The following USH2A variants were observed in gnomAD, a reference collection of about 807,000 sequenced individuals.
USH2A encodes the protein usherin, also known as Usher syndrome 2A (autosomal recessive, mild).
USH2A carries 443 observed loss-of-function variants against 538.9 expected under a neutral mutation model. The ratio of observed to expected loss-of-function variants is 0.82; its 90% CI spans 0.76 to 0.89. USH2A has a LOEUF of 0.89. Ranked by LOEUF, USH2A falls within the 40% of genes least tolerant of loss-of-function variation. The pLI is 0.00. For missense variants in USH2A, 6,633 were observed against 6,324.8 expected (o/e 1.05, Z -1.65); for synonymous variants, 2,413 against 2,273.5 (o/e 1.06, Z -1.75).
At chr1:216,189,298 T>C (rs1013325902) in intron 20 of USH2A, among the ~76,000 whole-genome samples, 2 of 151,858 alleles carry the variant, frequency 1.3e-5, no homozygotes, top group Non-Finnish European at 2.9e-5. Context: ...ATTGGACCTA[T>C]TAATAATAGG....
chr1:216,258,251 G>A (rs6703090), intron 11 of USH2A, among the ~76,000 whole-genome samples: 4,278 of 152,094 alleles, frequency 0.028, 210 homozygotes, highest in African/African-American at 0.099. Context: ...TATTGAAGTA[G>A]TTATCAGCCT....
chr1:215,880,794 T>G (rs1029371176), intron 41 of USH2A, among the ~76,000 whole-genome samples: 4 of 152,226 alleles, frequency 2.6e-5, no homozygotes, highest in Admixed American at 6.5e-5. Flanking sequence ...AGGTCAGAGC[T>G]TGGCAACACT....
intron 3 of USH2A, among the ~76,000 whole-genome samples, chr1:216,378,009 T>C (rs1193327104): frequency 6.6e-6 from 1 of 151,868 alleles, no homozygotes; most frequent in Non-Finnish European, 1.5e-5. Flanking sequence ...TTCGGATGGT[T>C]CTGCCTTCAC....
At chr1:215,789,058 G>T (rs550777744) in intron 51 of USH2A, among the ~76,000 whole-genome samples, 6 of 152,186 alleles carry the variant, frequency 3.9e-5, no homozygotes, top group Non-Finnish European at 5.9e-5. Context: ...ATCCATTCCA[G>T]ACTGGAACAG....
intron 61 of USH2A, among the ~76,000 whole-genome samples, chr1:215,699,316 C>T (rs747791405): frequency 2.6e-5 from 4 of 151,906 alleles, no homozygotes; most frequent in African/African-American, 9.7e-5. Context: ...TTTTTTGGTT[C>T]CATATGAAAT....
At chr1:215,852,355 G>GC (rs1664040474) in intron 44 of USH2A, among the ~76,000 whole-genome samples, 1 of 151,992 alleles carries the variant, frequency 6.6e-6, no homozygotes, top group African/African-American at 2.4e-5. Context: ...GAAAAGACCC[G>GC]CCCCCATGAT....
chr1:215,871,249 A>G (rs1316725863), intron 43 of USH2A, among the ~76,000 whole-genome samples: 3 of 152,176 alleles, frequency 2.0e-5, no homozygotes, highest in African/African-American at 7.2e-5. Context: ...AAAAAATAAT[A>G]TGTGTTAAAA....
intron 59 of USH2A, 124 bp downstream of exon 59, chr1:215,743,053 C>A: frequency 8.2e-7 from 1 of 1,224,028 alleles, no homozygotes; most frequent in Non-Finnish European, 1.2e-6. Context: ...AAACAGTCCA[C>A]TACAAATAAG....
chr1:215,977,968 A>T (rs1319252805), intron 35 of USH2A, among the ~76,000 whole-genome samples: 1 of 152,128 alleles, frequency 6.6e-6, no homozygotes, highest in African/African-American at 2.4e-5. Flanking sequence ...TCTACAAAAA[A>T]TGCAAAAAGT....
chr1:215,813,602 C>A, intron 49 of USH2A, 134 bp downstream of exon 49: 1 of 991,986 alleles, frequency 1.0e-6, no homozygotes. Flanking sequence ...ATATTTAGAG[C>A]AGGCCATTGG....
chr1:215,696,742 G>A (rs1196116723), intron 61 of USH2A, among the ~76,000 whole-genome samples: 1 of 152,060 alleles, frequency 6.6e-6, no homozygotes, highest in African/African-American at 2.4e-5. Flanking sequence ...GGTGGCTCAC[G>A]CCTCTAACCA....
intron 37 of USH2A, among the ~76,000 whole-genome samples, chr1:215,943,110 C>G (rs1666676335): frequency 6.6e-6 from 1 of 152,088 alleles, no homozygotes; most frequent in Admixed American, 6.6e-5. Flanking sequence ...AAGCTCAGAA[C>G]CAGTGCAAAA....
chr1:216,129,470 CAAATA>C (rs767760676), intron 21 of USH2A, among the ~76,000 whole-genome samples: 8 of 150,796 alleles, frequency 5.3e-5, no homozygotes, highest in Non-Finnish European at 1.0e-4. Context: ...GTAATCGCCA[CAAATA>C]AAATAAAATA....
At chr1:215,644,148 C>T (rs572497208) in intron 67 of USH2A, among the ~76,000 whole-genome samples, 47 of 152,196 alleles carry the variant, frequency 3.1e-4, no homozygotes, top group Non-Finnish European at 5.9e-4. Context: ...GTGTTAGGTG[C>T]ACTCGCTTAT....
At chr1:216,158,541 GTATT>G (rs1324558386) in intron 21 of USH2A, among the ~76,000 whole-genome samples, 4 of 152,084 alleles carry the variant, frequency 2.6e-5, no homozygotes, top group South Asian at 2.1e-4. Context: ...GCATATATAT[GTATT>G]TATTTGGGGT....
At chr1:215,978,227 TAAG>T (rs1667667413) in intron 35 of USH2A, among the ~76,000 whole-genome samples, 1 of 152,150 alleles carries the variant, frequency 6.6e-6, no homozygotes, top group Non-Finnish European at 1.5e-5. Flanking sequence ...CTCCAAAAAA[TAAG>T]AATTGTTGTT....
rs193061568 is a variant in USH2A at position 215,669,225 on chromosome 1, G to A, written c.14133+1747C>T. Among the ~76,000 whole-genome samples, 13 of 152,182 alleles carry A rather than the reference G, an allele frequency of 8.5e-5. No individual in the cohort carries two copies. In the East Asian group the frequency reaches 1.9e-3, roughly 23 times the overall value. ...TGCTGATTTCATCCAGCTCTCTCAC[G>A]AAGGTACCATTTTTATTTGTAAGGG... On this transcript the variant is annotated intron_variant, in intron 64 of 71. Coordinates refer to ENST00000307340, the MANE Select transcript of USH2A (RefSeq NM_206933.4).
At chr1:216,015,067 AAC>A (rs1422477988) in intron 32 of USH2A, among the ~76,000 whole-genome samples, 3 of 152,194 alleles carry the variant, frequency 2.0e-5, no homozygotes, top group Admixed American at 2.0e-4. Context: ...ATAAATTAAA[AAC>A]ACAGCTTTTT....
At chr1:216,139,675 C>A (rs1165932535) in intron 21 of USH2A, among the ~76,000 whole-genome samples, 1 of 152,162 alleles carries the variant, frequency 6.6e-6, no homozygotes, top group African/African-American at 2.4e-5. Flanking sequence ...CAAAACCTAT[C>A]AGCCAGATTT....
Sources: allele counts gnomAD v4.1 joint callset (sites outside exome capture counted in the v4.1 genomes callset), GRCh38; gene constraint gnomAD v4.1.1; transcripts MANE v1.5; gene names NCBI Gene and HGNC (gene_info 2026-07-23, HGNC 2026-07-21).